The following GLCCI1 variants were observed in gnomAD, a reference collection of about 807,000 sequenced individuals.
GLCCI1 encodes the protein glucocorticoid induced 1.
A neutral mutation model predicts 52.2 loss-of-function variants in GLCCI1; 24 were observed. The observed-to-expected ratio is 0.46, with a 90% confidence interval of 0.33 to 0.65. The LOEUF (loss-of-function observed/expected upper bound fraction) is 0.65, where lower values mean the gene tolerates loss of function less well. Ranked by LOEUF, GLCCI1 falls within the 30% of genes least tolerant of loss-of-function variation. The pLI is 0.02. For synonymous variants in GLCCI1, 310 were observed against 276.5 expected (o/e 1.12, Z -1.20); for missense variants, 704 against 701.5 (o/e 1.00, Z -0.04).
At chr7:8,060,854 A>G (rs1472880038) in intron 5 of GLCCI1, among the ~76,000 whole-genome samples, 2 of 152,192 alleles carry the variant, frequency 1.3e-5, no homozygotes, top group East Asian at 3.9e-4. Context: ...TGGAAATGCT[A>G]ACATGGTAAC....
intron 1 of GLCCI1, among the ~76,000 whole-genome samples, chr7:7,994,184 G>T (rs1184867685): frequency 6.6e-6 from 1 of 152,126 alleles, no homozygotes; most frequent in African/African-American, 2.4e-5. Flanking sequence ...AATCTGGGAG[G>T]CAGAGGTTAC....
rs754230284 is a variant in GLCCI1 at position 8,084,873 on chromosome 7, A to C, written c.1178-24A>C. On this transcript the variant is annotated intron_variant, in intron 6 of 7. Transcript: ENST00000223145. The stretch of plus-strand genomic sequence containing the variant: ...TTAAAAGAGCTTTCAATCACTAGTT[A>C]ATATAACTGCTTTAAATTTACAGAC... 2.5e-6 allele frequency: 4 copies of C among 1,609,090 alleles called. No individual in the cohort carries two copies. The East Asian group carries it at 6.7e-5, about 27-fold the overall frequency.
intron 3 of GLCCI1, among the ~76,000 whole-genome samples, chr7:8,046,638 A>C (rs1210773149): frequency 6.6e-6 from 1 of 152,178 alleles, no homozygotes; most frequent in Admixed American, 6.5e-5. Context: ...TATAACCCAG[A>C]AGCCCCTGTC....
intron 2 of GLCCI1, among the ~76,000 whole-genome samples, chr7:8,006,209 G>C (rs1254500987): frequency 6.6e-6 from 1 of 152,218 alleles, no homozygotes; most frequent in Admixed American, 6.5e-5. Flanking sequence ...AGAAGTCAGA[G>C]GAGAAAGCTA....
At chr7:8,077,314 G>A (rs1354093193) in intron 6 of GLCCI1, among the ~76,000 whole-genome samples, 4 of 152,210 alleles carry the variant, frequency 2.6e-5, no homozygotes, top group Admixed American at 2.6e-4. Context: ...TTGTGACACT[G>A]ACAGAAGGCA....
At chr7:8,036,849 A>G (rs1343610367) in intron 3 of GLCCI1, among the ~76,000 whole-genome samples, 2 of 152,206 alleles carry the variant, frequency 1.3e-5, no homozygotes, top group Non-Finnish European at 1.5e-5. Context: ...CCAGCTAGAA[A>G]AAGAAAACAG....
intron 5 of GLCCI1, among the ~76,000 whole-genome samples, chr7:8,061,419 T>C (rs528418872): frequency 6.6e-6 from 1 of 152,094 alleles, no homozygotes; most frequent in South Asian, 2.1e-4. Context: ...CATTTGTATA[T>C]CCTCATTGGA....
In GLCCI1 at chr7:8,074,011, T is replaced by C. The variant is rs188399922; in HGVS notation, c.1177+2880T>C. Among the ~76,000 whole-genome samples, 104 of 152,340 alleles carry C rather than the reference T, an allele frequency of 6.8e-4. No individual in the cohort carries two copies. In the South Asian group the frequency reaches 0.011, roughly 17 times the overall value. ...AAATAGCACCTATCCCTTTTATATATGTAACTATGCACACATGGGTGTGTT... is the reference window on the plus strand; with the variant it reads ...AAATAGCACCTATCCCTTTTATATACGTAACTATGCACACATGGGTGTGTT... On this transcript the variant is annotated intron_variant, in intron 6 of 7. Coordinates refer to ENST00000223145, the MANE Select transcript of GLCCI1 (RefSeq NM_138426.4).
At chr7:7,989,934 T>G (rs929913981) in intron 1 of GLCCI1, among the ~76,000 whole-genome samples, 11 of 152,116 alleles carry the variant, frequency 7.2e-5, no homozygotes, top group African/African-American at 2.7e-4. Context: ...GAGAAATAAG[T>G]GAGCTACATT....
intron 5 of GLCCI1, among the ~76,000 whole-genome samples, chr7:8,061,160 C>T (rs1782506010): frequency 6.7e-6 from 1 of 149,076 alleles, no homozygotes; most frequent in Admixed American, 6.7e-5. Context: ...AGTGCAGTGG[C>T]GTGATCTCGG....
chr7:8,062,378 T>C (rs1782538114), intron 5 of GLCCI1, among the ~76,000 whole-genome samples: 1 of 151,692 alleles, frequency 6.6e-6, no homozygotes, highest in South Asian at 2.1e-4. Flanking sequence ...AACAAACTGA[T>C]AGATAATTAA....
At position 8,086,971 on chromosome 7, in the gene GLCCI1, C is replaced by G. The variant is rs1202810998; in HGVS notation, c.*433C>G. The G allele has an allele frequency of 9.3e-6, 1 of 107,438 alleles. No individual in the cohort carries two copies. Among genetic ancestry groups the G allele is most frequent in the African/African-American group, 3.8e-5 (1 of 26,514 alleles). The allele number at this position is 107,438 out of a possible 1,614,324, so 6.7% of individuals were successfully genotyped here. On this transcript the variant is annotated 3_prime_UTR_variant, in exon 8 of 8. Coordinates refer to ENST00000223145, the MANE Select transcript of GLCCI1 (RefSeq NM_138426.4). This position sits in a 1 kb window ranked among gnomAD's most constrained non-coding sequence, Gnocchi z 4.4. ...GTGTTTGTTTCTAACTTCTGTAATA[C>G]ATACAATGCAAAAAAAAAAAAAAAA...
intron 3 of GLCCI1, 153 bp downstream of exon 3, chr7:8,022,722 C>G (rs1301908703): frequency 6.1e-6 from 2 of 327,952 alleles, no homozygotes; most frequent in Admixed American, 4.9e-5. Flanking sequence ...AGAATAAATT[C>G]TAGGCAGGTT....
chr7:8,067,130 A>T (rs1018052485), intron 5 of GLCCI1, among the ~76,000 whole-genome samples: 4 of 152,148 alleles, frequency 2.6e-5, no homozygotes, highest in African/African-American at 9.7e-5. Context: ...CTTTACCATT[A>T]TATACTGACC....
At chr7:8,023,862 G>A (rs10247928) in intron 3 of GLCCI1, among the ~76,000 whole-genome samples, 62,730 of 151,544 alleles carry the variant, frequency 0.41, 13,251 homozygotes, top group Middle Eastern at 0.51. Flanking sequence ...GCCTCCCAAA[G>A]TGCTGAGATT....
intron 1 of GLCCI1, among the ~76,000 whole-genome samples, chr7:7,976,507 A>AAAAGGAAAGGAG (rs1157563883): frequency 2.1e-5 from 3 of 146,090 alleles, no homozygotes; most frequent in African/African-American, 8.0e-5. Flanking sequence ...AAGGAAAGGA[A>AAAAGGAAAGGAG]AAAGGAAAGG....
At chr7:8,045,489 G>A (rs976822601) in intron 3 of GLCCI1, among the ~76,000 whole-genome samples, 3 of 152,236 alleles carry the variant, frequency 2.0e-5, no homozygotes, top group Non-Finnish European at 4.4e-5. Context: ...TAATCTTCAC[G>A]GGAAAGAGAA....
chr7:8,072,929 G>C (rs975234285), intron 6 of GLCCI1, among the ~76,000 whole-genome samples: 1 of 152,176 alleles, frequency 6.6e-6, no homozygotes, highest in Non-Finnish European at 1.5e-5. Context: ...TTGTGAGATT[G>C]CCTTCAGGGC....
At chr7:8,012,725 G>A (rs1048609352) in intron 2 of GLCCI1, among the ~76,000 whole-genome samples, 1 of 151,978 alleles carries the variant, frequency 6.6e-6, no homozygotes, top group East Asian at 1.9e-4. Flanking sequence ...GATTACAGGC[G>A]TGAGCCACCA....
Sources: allele counts gnomAD v4.1 joint callset (sites outside exome capture counted in the v4.1 genomes callset), GRCh38; gene constraint gnomAD v4.1.1; non-coding constraint Gnocchi (gnomAD v3.1); transcripts MANE v1.5; gene names NCBI Gene and HGNC (gene_info 2026-07-23, HGNC 2026-07-21).